PSD3: variants seen among roughly 807,000 people sequenced by gnomAD.
PSD3 encodes the protein pleckstrin and Sec7 domain containing 3, also known as PH and SEC7 domain-containing protein 3.
Under a neutral mutation model 105.5 loss-of-function variants are expected in PSD3, and 49 were observed. The observed-to-expected ratio is 0.46, with a 90% CI of 0.37 to 0.59. The LOEUF (loss-of-function observed/expected upper bound fraction) is 0.59, where lower values mean the gene tolerates loss of function less well. Among genes scored for constraint, PSD3 ranks in the 20% least tolerant of loss-of-function variants. The pLI is 0.00. For synonymous variants in PSD3, 557 were observed against 457.8 expected (o/e 1.22, Z -2.77); for missense variants, 1,561 against 1,263.8 (o/e 1.24, Z -3.57).
chr8:19,084,411 G>C (rs1563552632), exon 1 of PSD3: 1 of 456,264 alleles, frequency 2.2e-6, no homozygotes. Context: ...GACAGCCCTT[G>C]GAGGGGAGCA....
At chr8:19,015,276 A>G (rs1259126974), upstream of PSD3, among the ~76,000 whole-genome samples, 1 of 152,180 alleles carries the variant, frequency 6.6e-6, no homozygotes, top group East Asian at 1.9e-4. Context: ...TCCTTGCTTT[A>G]CGCCATGATT....
intron 11 of PSD3, among the ~76,000 whole-genome samples, chr8:18,625,374 T>C (rs1806407029): frequency 6.6e-6 from 1 of 152,128 alleles, no homozygotes; most frequent in Non-Finnish European, 1.5e-5. Flanking sequence ...TCTTGGAAAA[T>C]GTCAACATGG....
chr8:18,980,626 C>G (rs550376685), intron 1 of PSD3, among the ~76,000 whole-genome samples: 6 of 152,116 alleles, frequency 3.9e-5, no homozygotes, highest in Non-Finnish European at 8.8e-5. Flanking sequence ...TTTCTTGCCT[C>G]TTTTTGACTT....
At chr8:18,743,252 C>A (rs2129435126) in intron 9 of PSD3, among the ~76,000 whole-genome samples, 1 of 152,176 alleles carries the variant, frequency 6.6e-6, no homozygotes, top group African/African-American at 2.4e-5. Context: ...AGTGATTCCC[C>A]AAATATTCCA....
intron 1 of PSD3, among the ~76,000 whole-genome samples, chr8:18,945,286 C>G (rs1822790351): frequency 7.5e-6 from 1 of 133,194 alleles, no homozygotes; most frequent in Non-Finnish European, 1.6e-5. Flanking sequence ...TCACATGTAT[C>G]CTTATAAGAG....
At chr8:18,610,091 A>G (rs1805145056) in intron 11 of PSD3, among the ~76,000 whole-genome samples, 1 of 152,244 alleles carries the variant, frequency 6.6e-6, no homozygotes, top group African/African-American at 2.4e-5. Context: ...TTACAAAAAA[A>G]ATCACTTAAT....
At chr8:18,889,733 A>G (rs1425215289) in intron 2 of PSD3, among the ~76,000 whole-genome samples, 2 of 152,172 alleles carry the variant, frequency 1.3e-5, no homozygotes, top group South Asian at 4.1e-4. Context: ...AACCTCTTTC[A>G]TAACAGTCAT....
rs12544606 is a variant in PSD3, at chr8:18,790,593, C to T, written c.2082+8702G>A. ...CTGGGATTACAGGCGTGAGCCACTA[C>T]GCCTGGCCAACATTCTTCTATAAAA... On this transcript the variant is annotated intron_variant, in intron 8 of 15. Transcript: ENST00000327040. Among the ~76,000 whole-genome samples the T allele has an allele frequency of 5.3e-3, 800 of 152,210 alleles. 24 individuals are homozygous for T. The highest frequency in any genetic ancestry group is 0.037 in the Admixed American group (569 of 15,280).
At chr8:18,580,020 T>G (rs935975139) in intron 12 of PSD3, among the ~76,000 whole-genome samples, 3 of 152,228 alleles carry the variant, frequency 2.0e-5, no homozygotes, top group Non-Finnish European at 4.4e-5. Context: ...CTAAATTGTC[T>G]ATTAATTCAT....
At chr8:18,920,100 C>A (rs1820909270) in intron 2 of PSD3, among the ~76,000 whole-genome samples, 1 of 149,986 alleles carries the variant, frequency 6.7e-6, no homozygotes, top group Non-Finnish European at 1.5e-5. Context: ...ATTAGTATTT[C>A]TAGGGCAGGT....
At chr8:18,980,975 T>C (rs1331722817) in intron 1 of PSD3, among the ~76,000 whole-genome samples, 1 of 152,150 alleles carries the variant, frequency 6.6e-6, no homozygotes, top group Non-Finnish European at 1.5e-5. Context: ...TCACACCCTC[T>C]TCCCAACCTG....
chr8:18,642,338 T>C (rs184025298), intron 10 of PSD3, among the ~76,000 whole-genome samples: 2 of 152,280 alleles, frequency 1.3e-5, no homozygotes, highest in Non-Finnish European at 2.9e-5. Context: ...TTAAAAAATA[T>C]ACATATATGT....
At chr8:18,860,131 G>T (rs577899539) in intron 4 of PSD3, among the ~76,000 whole-genome samples, 5 of 152,252 alleles carry the variant, frequency 3.3e-5, no homozygotes, top group African/African-American at 1.2e-4. Context: ...TCAATATTGT[G>T]TGTCTCAGGC....
chr8:18,632,736 T>C lies in PSD3; in HGVS notation c.2287A>G (p.Thr763Ala). ...EEKANGTHPK[T>A]ISRIGSTTNP... ...GTAGTACTTCCAATACGACTGATGGTCTTTGGATGTGTTCCGTTAGCTTTC... is the reference window on the plus strand; with the variant it reads ...GTAGTACTTCCAATACGACTGATGGCCTTTGGATGTGTTCCGTTAGCTTTC... Residue 763 changes from threonine to alanine, a missense_variant, in exon 11 of 16, where the codon ACC becomes GCC. Coordinates refer to ENST00000327040, the MANE Select transcript of PSD3 (RefSeq NM_015310.4). The C allele has an allele frequency of 6.2e-7, 1 of 1,607,006 alleles. No homozygotes were observed. Among genetic ancestry groups the C allele is most frequent in the South Asian group, 1.1e-5 (1 of 90,890 alleles).
At chr8:18,919,955 C>T (rs977555617) in intron 2 of PSD3, among the ~76,000 whole-genome samples, 1 of 146,240 alleles carries the variant, frequency 6.8e-6, no homozygotes, top group Non-Finnish European at 1.5e-5. Context: ...ACATGTGTAA[C>T]TAACCTGCAC....
chr8:18,836,315 A>G (rs1262534399), intron 4 of PSD3, among the ~76,000 whole-genome samples: 1 of 152,250 alleles, frequency 6.6e-6, no homozygotes, highest in Non-Finnish European at 1.5e-5. Context: ...AAATATCATC[A>G]ATGGTTCCTG....
At chr8:18,753,215 T>C (rs1287608290) in intron 9 of PSD3, among the ~76,000 whole-genome samples, 1 of 151,820 alleles carries the variant, frequency 6.6e-6, no homozygotes, top group Non-Finnish European at 1.5e-5. Flanking sequence ...ATTAGTCAGG[T>C]GTGGTAGCGT....
At chr8:18,807,348 C>T (rs1811290718) in intron 4 of PSD3, among the ~76,000 whole-genome samples, 2 of 152,102 alleles carry the variant, frequency 1.3e-5, no homozygotes, top group Admixed American at 1.3e-4. Flanking sequence ...GTTAACTGTC[C>T]TTAGCAACTC....
At chr8:19,066,696 G>C (rs1329899306) in intron 1 of PSD3, among the ~76,000 whole-genome samples, 1 of 152,128 alleles carries the variant, frequency 6.6e-6, no homozygotes, top group East Asian at 1.9e-4. Context: ...GATTTCTTTT[G>C]TCTATAAACT....
Sources: gnomAD v4.1 joint callset for allele counts (sites outside exome capture counted in the v4.1 genomes callset) on GRCh38, gnomAD v4.1.1 for gene constraint, MANE v1.5 for transcripts, NCBI Gene and HGNC (gene_info 2026-07-23, HGNC 2026-07-21) for gene names.